Variants in TRPC6 observed in about 807,000 individuals in gnomAD.
TRPC6 encodes short transient receptor potential channel 6.
In TRPC6, 55 loss-of-function variants were observed where a neutral mutation model predicts 90.7. The observed-to-expected ratio is 0.61, with a 90% CI of 0.49 to 0.76. The LOEUF is 0.76. Among genes scored for constraint, TRPC6 ranks in the 30% least tolerant of loss-of-function variants. TRPC6 has a pLI of 0.00. For synonymous variants in TRPC6, 393 were observed against 393.0 expected (o/e 1.00, Z 0.00); for missense variants, 989 against 1,122.7 (o/e 0.88, Z 1.70).
At chr11:101,575,077 G>A (rs7113536) in intron 1 of TRPC6, among the ~76,000 whole-genome samples, 73,292 of 151,828 alleles carry the variant, frequency 0.48, 18,378 homozygotes, top group South Asian at 0.62. Context: ...ATTTTTAGAC[G>A]AATACCATGT....
At chr11:101,558,631 C>G (rs1861645477) in intron 1 of TRPC6, among the ~76,000 whole-genome samples, 1 of 151,904 alleles carries the variant, frequency 6.6e-6, no homozygotes, top group Non-Finnish European at 1.5e-5. Flanking sequence ...CTCACTGCAG[C>G]CTTGACCTCC....
At chr11:101,501,467 T>A (rs941749101) in intron 2 of TRPC6, among the ~76,000 whole-genome samples, 1 of 152,086 alleles carries the variant, frequency 6.6e-6, no homozygotes, top group African/African-American at 2.4e-5. Flanking sequence ...GCAGCAAACC[T>A]CACCTCAGAG....
At position 101,583,474 on chromosome 11, in the gene TRPC6, C is replaced by T. The variant is rs1327783855; in HGVS notation, c.30G>A (p.Arg10=). Residue 10 remains arginine (R), a synonymous_variant, in exon 1 of 13, where the codon CGG becomes CGA. Transcript: ENST00000344327. MSQSPAFGP[R]RGSSPRGAAG... ...CAGCGCCCCGGGGAGAACTGCCCCTCCGGGGCCCGAACGCCGGGCTCTGGC... is the reference window on the plus strand; with the variant it reads ...CAGCGCCCCGGGGAGAACTGCCCCTTCGGGGCCCGAACGCCGGGCTCTGGC... The T allele has an allele frequency of 7.3e-6, 11 of 1,516,292 alleles. No individual in the cohort carries two copies. The African/African-American group carries it at 9.9e-5, about 14-fold the overall frequency. The allele number at this position is 1,516,292 out of a possible 1,614,324, so 93.9% of individuals were successfully genotyped here.
At chr11:101,582,623 C>T (rs752788166) in intron 1 of TRPC6, among the ~76,000 whole-genome samples, 3 of 151,986 alleles carry the variant, frequency 2.0e-5, no homozygotes, top group Non-Finnish European at 2.9e-5. Context: ...CAGCCCAATA[C>T]AAACGACCCG....
intron 10 of TRPC6, among the ~76,000 whole-genome samples, chr11:101,468,279 T>C (rs1393758649): frequency 6.6e-6 from 1 of 152,214 alleles, no homozygotes; most frequent in Admixed American, 6.5e-5. Context: ...TGGCTTAGGG[T>C]TCCCCTTACC....
chr11:101,487,808 A>G (rs1859711614), intron 4 of TRPC6, among the ~76,000 whole-genome samples: 2 of 152,272 alleles, frequency 1.3e-5, no homozygotes, highest in Non-Finnish European at 2.9e-5. Flanking sequence ...CTCTCATAAG[A>G]AAATGTCCAG....
intron 1 of TRPC6, among the ~76,000 whole-genome samples, chr11:101,542,171 G>A (rs1861188054): frequency 6.6e-6 from 1 of 152,138 alleles, no homozygotes; most frequent in Non-Finnish European, 1.5e-5. Flanking sequence ...TTTGACTATT[G>A]TAATTTCAAG....
At chr11:101,475,563 TA>T (rs1859393445) in intron 6 of TRPC6, among the ~76,000 whole-genome samples, 1 of 152,102 alleles carries the variant, frequency 6.6e-6, no homozygotes, top group African/African-American at 2.4e-5. Context: ...ACTAATAAGT[TA>T]GAACTTACTC....
intron 1 of TRPC6, among the ~76,000 whole-genome samples, chr11:101,558,299 G>A (rs1414534210): frequency 7.5e-6 from 1 of 132,950 alleles, no homozygotes; most frequent in African/African-American, 3.0e-5. Context: ...ACATGTATAT[G>A]GGTATACATG....
intron 10 of TRPC6, among the ~76,000 whole-genome samples, chr11:101,457,174 T>C (rs1369010232): frequency 2.0e-5 from 3 of 152,056 alleles, no homozygotes; most frequent in Non-Finnish European, 4.4e-5. Flanking sequence ...GTCATAGAGG[T>C]TGGAAGTGGG....
At chr11:101,460,760 G>T (rs1565444101) in intron 10 of TRPC6, among the ~76,000 whole-genome samples, 1 of 151,924 alleles carries the variant, frequency 6.6e-6, no homozygotes. Flanking sequence ...TGGTTAAAAT[G>T]GTAAATTTTA....
intron 1 of TRPC6, among the ~76,000 whole-genome samples, chr11:101,573,637 TTCTC>T (rs1185222724): frequency 6.6e-6 from 1 of 152,168 alleles, no homozygotes; most frequent in Non-Finnish European, 1.5e-5. Flanking sequence ...TTCCTCTTCT[TTCTC>T]ATTTACAGTA....
chr11:101,525,246 C>G (rs551088808), intron 1 of TRPC6, among the ~76,000 whole-genome samples: 2 of 152,176 alleles, frequency 1.3e-5, no homozygotes, highest in Non-Finnish European at 2.9e-5. Flanking sequence ...GACTTTGGCT[C>G]GAATCCTAGC....
rs71056629 is a variant in TRPC6, at chr11:101,558,412, TACAC to T, written c.170+24918_170+24921del. Among the ~76,000 whole-genome samples, 32 of 81,578 alleles carry T rather than the reference TACAC, an allele frequency of 3.9e-4. 12 individuals carry two copies. In the East Asian group the frequency reaches 0.067, roughly 171 times the overall value. 53.5% of individuals were successfully genotyped at this position (81,578 alleles called of 152,430 possible). ...ATGTATACATATACACACACACATA[TACAC>T]ACACACATATCTACATATATACATA... On this transcript the variant is annotated intron_variant, in intron 1 of 12. Transcript: ENST00000344327.
chr11:101,484,518 T>A (rs1859627198), intron 4 of TRPC6, among the ~76,000 whole-genome samples: 1 of 152,064 alleles, frequency 6.6e-6, no homozygotes, highest in South Asian at 2.1e-4. Context: ...CCAATTAACT[T>A]ATCTTGACAT....
At position 101,455,036 on chromosome 11, in the gene TRPC6, A is replaced by C. The variant is rs772849357; in HGVS notation, c.2550T>G (p.Asn850Lys). 1 of 1,612,198 alleles carries C rather than the reference A, an allele frequency of 6.2e-7. No individual in the cohort carries two copies. Among genetic ancestry groups the C allele is most frequent in the Non-Finnish European group, 8.5e-7 (1 of 1,178,740 alleles). ...TGCTTACCTGATATTGTCTTGGAGGATTATTGAAACTATTTAGATGGAAAT... is the reference window on the plus strand; with the variant it reads ...TGCTTACCTGATATTGTCTTGGAGGCTTATTGAAACTATTTAGATGGAAAT... ...SEDFHLNSFNNPPRQYQKIMK... is the reference protein window; with the variant it reads ...SEDFHLNSFNKPPRQYQKIMK... The change falls in exon 11 of 13, where the codon AAT becomes AAG. Residue 850 changes from asparagine (N) to lysine (K), a missense_variant. Physicochemically the swap from Asn to Lys is moderately conservative, Grantham distance 94. Transcript: ENST00000344327.
intron 1 of TRPC6, among the ~76,000 whole-genome samples, chr11:101,547,284 T>C (rs1861328597): frequency 6.6e-5 from 10 of 152,214 alleles, no homozygotes; most frequent in Admixed American, 6.5e-4. Context: ...ATGTTCCTTT[T>C]CTTTCACAAA....
intron 1 of TRPC6, among the ~76,000 whole-genome samples, chr11:101,531,785 G>C (rs928287929): frequency 6.6e-6 from 1 of 151,942 alleles, no homozygotes; most frequent in African/African-American, 2.4e-5. Context: ...ACATTTTTTT[G>C]TATCTTCTAT....
At chr11:101,529,605 TA>T (rs1860862296) in intron 1 of TRPC6, among the ~76,000 whole-genome samples, 1 of 152,202 alleles carries the variant, frequency 6.6e-6, no homozygotes, top group Non-Finnish European at 1.5e-5. Flanking sequence ...GGGGGGACCT[TA>T]AAAAATGCAC....
Sources: allele counts gnomAD v4.1 joint callset (sites outside exome capture counted in the v4.1 genomes callset), GRCh38; gene constraint gnomAD v4.1.1; transcripts MANE v1.5; gene names NCBI Gene and HGNC (gene_info 2026-07-23, HGNC 2026-07-21).